NRG3: variants seen among roughly 807,000 people sequenced by gnomAD.
NRG3 encodes neuregulin 3, also known as pro-neuregulin-3, membrane-bound isoform.
Under a neutral mutation model 66.9 loss-of-function variants are expected in NRG3, and 31 were observed. That is an observed-to-expected ratio of 0.46 (90% CI 0.35 to 0.63). The LOEUF (loss-of-function observed/expected upper bound fraction) is 0.63. NRG3 is among the 20% of genes least tolerant of loss of function. NRG3 has a pLI of 0.00. For missense variants in NRG3, 910 were observed against 878.9 expected, an observed-to-expected ratio of 1.04 and a Z score of -0.45; for synonymous variants, 393 against 359.4, an observed-to-expected ratio of 1.09 and a Z score of -1.06.
chr10:82,609,039 A>C (rs1450603548), intron 2 of NRG3, among the ~76,000 whole-genome samples: 1 of 152,186 alleles, frequency 6.6e-6, no homozygotes, highest in Non-Finnish European at 1.5e-5. Flanking sequence ...ACTGTACATC[A>C]TTATATAATA....
chr10:82,572,532 A>G (rs958172434), intron 2 of NRG3, among the ~76,000 whole-genome samples: 3 of 151,720 alleles, frequency 2.0e-5, no homozygotes, highest in East Asian at 1.9e-4. Context: ...ACCCTCAAAC[A>G]TATTTTATAT....
At chr10:82,596,713 C>T (rs889275897) in intron 2 of NRG3, among the ~76,000 whole-genome samples, 1 of 152,170 alleles carries the variant, frequency 6.6e-6, no homozygotes, top group Non-Finnish European at 1.5e-5. Flanking sequence ...TTTAAAAACT[C>T]ATCCTCACAG....
intron 1 of NRG3, among the ~76,000 whole-genome samples, chr10:82,085,703 C>T (rs2065680667): frequency 6.6e-6 from 1 of 151,948 alleles, no homozygotes; most frequent in Non-Finnish European, 1.5e-5. Flanking sequence ...ATGGTGCAGT[C>T]TTGGCTCACT....
intron 1 of NRG3, among the ~76,000 whole-genome samples, chr10:82,346,801 T>C (rs898401314): frequency 1.3e-5 from 2 of 152,132 alleles, no homozygotes; most frequent in Admixed American, 6.5e-5. Context: ...TGGGAGAGTG[T>C]ATGTGTCAAG....
chr10:82,781,107 T>C (rs901432284), intron 3 of NRG3, among the ~76,000 whole-genome samples: 4 of 152,184 alleles, frequency 2.6e-5, no homozygotes, highest in Admixed American at 2.0e-4. Context: ...TGGAAGATGT[T>C]GAGGCACAGT....
At chr10:82,719,508 C>T (rs921727953) in intron 2 of NRG3, among the ~76,000 whole-genome samples, 3 of 152,180 alleles carry the variant, frequency 2.0e-5, no homozygotes, top group Admixed American at 6.5e-5. Context: ...TTCTTAGGCT[C>T]TCTTGACCAA....
At chr10:82,331,629 C>A (rs565999491) in intron 1 of NRG3, among the ~76,000 whole-genome samples, 1 of 152,314 alleles carries the variant, frequency 6.6e-6, no homozygotes, top group African/African-American at 2.4e-5. Flanking sequence ...AACTTGGTCA[C>A]TCCCCACTGA....
intron 1 of NRG3, among the ~76,000 whole-genome samples, chr10:82,202,663 C>A (rs1442630701): frequency 6.6e-6 from 1 of 152,188 alleles, no homozygotes; most frequent in Non-Finnish European, 1.5e-5. Flanking sequence ...ATCCACAAAT[C>A]TTACTAGTTG....
chr10:82,928,682 C>T lies in NRG3; in HGVS notation c.1055-22787C>T, dbSNP rs117160163. ...AATATCTAGGCTTTGTTGACTTTTA[C>T]TCAAGTCTGCTATTGTAGTACAAAA... On this transcript the variant is annotated intron_variant, in intron 4 of 8. Transcript: ENST00000372141. 1.4e-4 allele frequency among the ~76,000 whole-genome samples: 21 copies of T among 150,400 alleles called. No homozygotes were observed. In the East Asian group the frequency reaches 4.2e-3, roughly 30 times the overall value.
At chr10:82,333,716 C>T (rs1304109129) in intron 1 of NRG3, among the ~76,000 whole-genome samples, 1 of 152,138 alleles carries the variant, frequency 6.6e-6, no homozygotes, top group Non-Finnish European at 1.5e-5. Flanking sequence ...CTTCTTGGTT[C>T]ATAGGTAGGT....
intron 2 of NRG3, among the ~76,000 whole-genome samples, chr10:82,541,796 C>T (rs1375009979): frequency 1.3e-5 from 2 of 152,090 alleles, no homozygotes; most frequent in Non-Finnish European, 2.9e-5. Flanking sequence ...TCGCTCTGTC[C>T]ACTAAAGAGG....
At chr10:81,962,795 C>T (rs1035511559) in intron 1 of NRG3, among the ~76,000 whole-genome samples, 1 of 152,178 alleles carries the variant, frequency 6.6e-6, no homozygotes, top group Non-Finnish European at 1.5e-5. Flanking sequence ...TGGAGCTGGT[C>T]TTGCTCTCAC....
intron 2 of NRG3, among the ~76,000 whole-genome samples, chr10:82,447,978 T>C (rs2090826947): frequency 6.6e-6 from 1 of 152,110 alleles, no homozygotes; most frequent in Admixed American, 6.5e-5. Context: ...AAATGTTGAG[T>C]GATGACAAAA....
At chr10:82,909,880 A>G (rs1169327327) in intron 4 of NRG3, among the ~76,000 whole-genome samples, 1 of 152,236 alleles carries the variant, frequency 6.6e-6, no homozygotes, top group African/African-American at 2.4e-5. Flanking sequence ...ACCATCTTAC[A>G]GAAGTGTATG....
At position 82,331,486 on chromosome 10, in the gene NRG3, G is replaced by A. The variant is rs80003166; in HGVS notation, c.824-27253G>A. On this transcript the variant is annotated intron_variant, in intron 1 of 8. Transcript: ENST00000372141. The stretch of plus-strand genomic sequence containing the variant: ...GAATTTCAGTTCAATTTCAATGGGA[G>A]CCAGGAACTAAGGTTCCCATGGTCA... Among the ~76,000 whole-genome samples the A allele has an allele frequency of 9.6e-3, 1,458 of 152,200 alleles. 15 individuals are homozygous for A. Among genetic ancestry groups the A allele is most frequent in the South Asian group, 0.016 (78 of 4,818 alleles).
intron 5 of NRG3, among the ~76,000 whole-genome samples, chr10:82,954,916 G>A (rs548172262): frequency 6.6e-6 from 1 of 151,698 alleles, no homozygotes; most frequent in South Asian, 2.1e-4. Context: ...CACTCATAAA[G>A]GAAAGTAGTT....
chr10:81,962,290 G>A (rs1343170379), intron 1 of NRG3, among the ~76,000 whole-genome samples: 1 of 152,116 alleles, frequency 6.6e-6, no homozygotes, highest in East Asian at 1.9e-4. Context: ...ATATCACACT[G>A]GGCCTGCCAG....
At chr10:81,894,097 T>C (rs545416163) in intron 1 of NRG3, among the ~76,000 whole-genome samples, 5 of 152,274 alleles carry the variant, frequency 3.3e-5, no homozygotes, top group Admixed American at 3.3e-4. Flanking sequence ...TCCCAGCAGT[T>C]TGGGAGACCG....
At chr10:82,301,870 G>A (rs1157570054) in intron 1 of NRG3, among the ~76,000 whole-genome samples, 1 of 151,484 alleles carries the variant, frequency 6.6e-6, no homozygotes, top group African/African-American at 2.4e-5. Context: ...TTAAGCTATT[G>A]ATCATCACAT....
Sources: gnomAD v4.1 joint callset for allele counts (sites outside exome capture counted in the v4.1 genomes callset) on GRCh38, gnomAD v4.1.1 for gene constraint, MANE v1.5 for transcripts, NCBI Gene and HGNC (gene_info 2026-07-23, HGNC 2026-07-21) for gene names.